Variants in IMMP2L observed in about 807,000 individuals in gnomAD.
IMMP2L encodes the protein inner mitochondrial membrane peptidase subunit 2, also known as mitochondrial inner membrane protease subunit 2.
A neutral mutation model predicts 19.3 loss-of-function variants in IMMP2L; 18 were observed. That is an observed-to-expected ratio of 0.93 (90% CI 0.64 to 1.38). The LOEUF is 1.38. IMMP2L is among the 40% of genes most tolerant of loss of function. The pLI, the probability that IMMP2L is intolerant of heterozygous loss-of-function variation, is 0.00. For synonymous variants in IMMP2L, 76 were observed against 73.0 expected (o/e 1.04, Z -0.21); for missense variants, 233 against 218.2 (o/e 1.07, Z -0.43).
At chr7:110,722,748 C>A (rs995588537) in intron 5 of IMMP2L, among the ~76,000 whole-genome samples, 2 of 152,006 alleles carry the variant, frequency 1.3e-5, no homozygotes, top group African/African-American at 4.8e-5. Context: ...GGTTTAGAGG[C>A]CCTTCTTGTA....
At chr7:110,896,002 T>G (rs1435205618) in intron 4 of IMMP2L, among the ~76,000 whole-genome samples, 2 of 152,060 alleles carry the variant, frequency 1.3e-5, no homozygotes, top group African/African-American at 4.8e-5. Flanking sequence ...AAAAAAATGT[T>G]TTAGAGATGG....
intron 3 of IMMP2L, among the ~76,000 whole-genome samples, chr7:111,237,733 G>A (rs1371663098): frequency 6.6e-6 from 1 of 151,742 alleles, no homozygotes; most frequent in Non-Finnish European, 1.5e-5. Context: ...CATTCGGAGG[G>A]TTCAATTAGT....
intron 3 of IMMP2L, among the ~76,000 whole-genome samples, chr7:111,003,518 AT>A (rs796252838): frequency 3.4e-4 from 50 of 148,088 alleles, no homozygotes; most frequent in East Asian, 3.0e-3. Context: ...TTTCAGATAG[AT>A]TTTTTTTTTT....
At chr7:111,201,662 G>A (rs565025559) in intron 3 of IMMP2L, among the ~76,000 whole-genome samples, 1 of 151,728 alleles carries the variant, frequency 6.6e-6, no homozygotes, top group South Asian at 2.1e-4. Context: ...GTTGCAGTGA[G>A]CTGAGATTGC....
chr7:110,721,441 T>C (rs10274884), intron 5 of IMMP2L, among the ~76,000 whole-genome samples: 117,739 of 151,960 alleles, frequency 0.77, 45,690 homozygotes, highest in East Asian at 0.83. Context: ...TGAAAACATC[T>C]AAGCTAAGAA....
chr7:110,875,373 CTA>C (rs1418565778), intron 5 of IMMP2L, among the ~76,000 whole-genome samples: 9 of 151,924 alleles, frequency 5.9e-5, no homozygotes, highest in Non-Finnish European at 1.2e-4. Context: ...GTTTGAAAGA[CTA>C]TGCTTTGTTT....
At chr7:111,020,403 A>G (rs1173448455) in intron 3 of IMMP2L, among the ~76,000 whole-genome samples, 1 of 152,154 alleles carries the variant, frequency 6.6e-6, no homozygotes, top group Non-Finnish European at 1.5e-5. Context: ...AGCAAACGAA[A>G]AAACCAAGAT....
chr7:110,729,417 C>T (rs970068024), intron 5 of IMMP2L, among the ~76,000 whole-genome samples: 3 of 152,142 alleles, frequency 2.0e-5, no homozygotes, highest in Non-Finnish European at 4.4e-5. Flanking sequence ...CAGGAGAACT[C>T]ACTCACTATC....
chr7:111,309,822 C>T (rs1178244852), intron 3 of IMMP2L, among the ~76,000 whole-genome samples: 1 of 152,116 alleles, frequency 6.6e-6, no homozygotes, highest in Non-Finnish European at 1.5e-5. Flanking sequence ...AGAAGTAATG[C>T]CGCATCCCAT....
intron 5 of IMMP2L, among the ~76,000 whole-genome samples, chr7:110,855,324 T>C (rs1806649163): frequency 6.6e-6 from 1 of 151,996 alleles, no homozygotes; most frequent in African/African-American, 2.4e-5. Context: ...GACTAAAATG[T>C]TCAGGATGAA....
intron 3 of IMMP2L, among the ~76,000 whole-genome samples, chr7:111,266,238 A>G (rs1198583632): frequency 6.6e-6 from 1 of 152,084 alleles, no homozygotes; most frequent in Non-Finnish European, 1.5e-5. Context: ...GAAATCTAAC[A>G]CTGTCATTAA....
Position 111,485,597 on chromosome 7 carries a change from CAAAAAAAAAAAAAAA to C in IMMP2L, c.239+1626_239+1640del, listed in dbSNP as rs71147477. The stretch of plus-strand genomic sequence containing the variant: ...TGCGCAACAGAGCGAGACTCTGTTT[CAAAAAAAAAAAAAAA>C]AAAAAAAAAAAAACACAGTTCAACT... On this transcript the variant is annotated intron_variant, in intron 3 of 5. Coordinates refer to ENST00000405709, the MANE Select transcript of IMMP2L (RefSeq NM_032549.4). 1.4e-4 allele frequency among the ~76,000 whole-genome samples: 7 copies of C among 50,592 alleles called. No individual in the cohort carries two copies. The South Asian group carries it at 4.9e-3, about 36-fold the overall frequency. The allele number at this position is 50,592 out of a possible 152,430, so 33.2% of individuals were successfully genotyped here.
chr7:111,121,051 A>T (rs1392240214), intron 3 of IMMP2L, among the ~76,000 whole-genome samples: 3 of 152,186 alleles, frequency 2.0e-5, no homozygotes, highest in Non-Finnish European at 4.4e-5. Context: ...AGGTATAAAC[A>T]AGCAAAGATT....
chr7:111,064,248 G>C lies in IMMP2L; in HGVS notation c.240-100683C>G, dbSNP rs537544219. On this transcript the variant is annotated intron_variant, in intron 3 of 5. Transcript: ENST00000405709. ...CTTTCACTATCATAAGACCAGCTCA[G>C]GAAAAACCTGCCCCCATAATTCAAT... is the stretch of plus-strand genomic sequence containing the variant. 2.0e-5 allele frequency among the ~76,000 whole-genome samples: 3 copies of C among 152,192 alleles called. No individual in the cohort carries two copies. The East Asian group carries it at 5.8e-4, about 29-fold the overall frequency.
rs144282950 is a variant in IMMP2L at position 110,979,904 on chromosome 7, TA to T, written c.240-16340del. 6.1e-3 allele frequency among the ~76,000 whole-genome samples: 926 copies of T among 152,230 alleles called. 6 individuals carry two copies. The highest frequency in any genetic ancestry group is 7.5e-3 in the Non-Finnish European group (508 of 68,000). On this transcript the variant is annotated intron_variant, in intron 3 of 5. Transcript: ENST00000405709. ...CTAAAAAATGTTTAATTTTACACTT[TA>T]AAAATGTAAATTTATGGTATGTGAA...
At chr7:110,985,920 T>C (rs747272906) in intron 3 of IMMP2L, among the ~76,000 whole-genome samples, 1 of 152,204 alleles carries the variant, frequency 6.6e-6, no homozygotes, top group African/African-American at 2.4e-5. Context: ...AACGTAATGA[T>C]AATTTAATAA....
chr7:111,384,737 G>A (rs1420479435), intron 3 of IMMP2L, among the ~76,000 whole-genome samples: 2 of 152,064 alleles, frequency 1.3e-5, no homozygotes, highest in East Asian at 1.9e-4. Flanking sequence ...AAACAGAACT[G>A]GGGCCAGAAA....
At chr7:111,439,906 G>C (rs1408936477) in intron 3 of IMMP2L, among the ~76,000 whole-genome samples, 1 of 151,866 alleles carries the variant, frequency 6.6e-6, no homozygotes, top group East Asian at 1.9e-4. Flanking sequence ...CAAATCCTTT[G>C]TGGTTGTTTC....
At chr7:111,378,559 ACT>A (rs1830906529) in intron 3 of IMMP2L, among the ~76,000 whole-genome samples, 1 of 151,992 alleles carries the variant, frequency 6.6e-6, no homozygotes, top group Non-Finnish European at 1.5e-5. Flanking sequence ...TGTAGTTGTA[ACT>A]GGCAAATCAG....
Sources: gnomAD v4.1 joint callset for allele counts (sites outside exome capture counted in the v4.1 genomes callset) on GRCh38, gnomAD v4.1.1 for gene constraint, MANE v1.5 for transcripts, NCBI Gene and HGNC (gene_info 2026-07-23, HGNC 2026-07-21) for gene names.